CLSTN2: variants seen among roughly 807,000 people sequenced by gnomAD.
CLSTN2 encodes calsyntenin 2, also known as calsyntenin-2.
A neutral mutation model predicts 101.2 loss-of-function variants in CLSTN2; 48 were observed. That is an observed-to-expected ratio of 0.47 (90% CI 0.38 to 0.60). The LOEUF (loss-of-function observed/expected upper bound fraction) is 0.60. Among genes scored for constraint, CLSTN2 ranks in the 20% least tolerant of loss-of-function variants. CLSTN2 has a pLI of 0.00. For missense variants in CLSTN2, 1,160 were observed against 1,238.2 expected (o/e 0.94, Z 0.95); for synonymous variants, 481 against 463.6 (o/e 1.04, Z -0.48).
chr3:140,061,831 T>C (rs1328526605), intron 1 of CLSTN2, among the ~76,000 whole-genome samples: 1 of 152,230 alleles, frequency 6.6e-6, no homozygotes, highest in Non-Finnish European at 1.5e-5. Context: ...GGAATTCTTT[T>C]TACTTCCACA....
At chr3:140,482,634 T>A (rs1013338366) in intron 8 of CLSTN2, among the ~76,000 whole-genome samples, 1 of 152,232 alleles carries the variant, frequency 6.6e-6, no homozygotes, top group African/African-American at 2.4e-5. Context: ...GTTATTGGTC[T>A]ATTCAGAGAT....
chr3:140,337,284 C>T (rs1387642443), intron 2 of CLSTN2, among the ~76,000 whole-genome samples: 1 of 152,224 alleles, frequency 6.6e-6, no homozygotes, highest in Non-Finnish European at 1.5e-5. Flanking sequence ...TTAGTTCCTT[C>T]TGAGGGCTGT....
intron 8 of CLSTN2, among the ~76,000 whole-genome samples, chr3:140,481,601 C>G (rs1294536427): frequency 6.6e-6 from 1 of 152,224 alleles, no homozygotes; most frequent in Non-Finnish European, 1.5e-5. Flanking sequence ...TCTTCCATTT[C>G]TTTGTATCCT....
chr3:140,567,823 T>G lies in CLSTN2; in HGVS notation c.*1570T>G, dbSNP rs753945442. 1.1e-4 allele frequency: 16 copies of G among 152,250 alleles called. No individual in the cohort carries two copies. The highest frequency in any genetic ancestry group is 1.6e-4 in the Non-Finnish European group (11 of 68,064). 9.4% of individuals were successfully genotyped at this position (152,250 alleles called of 1,614,324 possible). A position where few individuals can be genotyped will look rare whatever the true frequency, so the allele number is the denominator to read the frequency against. On this transcript the variant is annotated 3_prime_UTR_variant, in exon 17 of 17. Coordinates refer to ENST00000458420, the MANE Select transcript of CLSTN2 (RefSeq NM_022131.3). Reference sequence around the variant, plus strand: ...TAGTTCAGAATCTCAGCCTTTTCTTTGTGTCATCAAAACAGCTTAAGAAGG... The same window carrying G: ...TAGTTCAGAATCTCAGCCTTTTCTTGGTGTCATCAAAACAGCTTAAGAAGG...
At chr3:140,174,973 G>A (rs145841565) in intron 1 of CLSTN2, among the ~76,000 whole-genome samples, 2,050 of 152,288 alleles carry the variant, frequency 0.013, 18 homozygotes, top group Middle Eastern at 0.02. Flanking sequence ...TCCGTTCCAG[G>A]ATTCTCTCCT....
chr3:140,011,784 A>C (rs2007079143), intron 1 of CLSTN2, among the ~76,000 whole-genome samples: 1 of 151,772 alleles, frequency 6.6e-6, no homozygotes, highest in South Asian at 2.1e-4. Context: ...AGGATGGGTA[A>C]GTGTCTGGCA....
intron 1 of CLSTN2, among the ~76,000 whole-genome samples, chr3:139,983,328 C>G (rs1279291119): frequency 6.6e-6 from 1 of 152,140 alleles, no homozygotes; most frequent in Non-Finnish European, 1.5e-5. Context: ...TTAGTATAAT[C>G]TAACCACATT....
chr3:140,561,899 C>G (rs530634013), intron 12 of CLSTN2, among the ~76,000 whole-genome samples: 1 of 152,304 alleles, frequency 6.6e-6, no homozygotes, highest in East Asian at 1.9e-4. Context: ...TCAAATCACA[C>G]CTTTTGGCTA....
intron 2 of CLSTN2, among the ~76,000 whole-genome samples, chr3:140,384,798 C>T (rs1021699833): frequency 6.6e-6 from 1 of 152,178 alleles, no homozygotes; most frequent in Non-Finnish European, 1.5e-5. Flanking sequence ...TATGGATTTT[C>T]CTGACACTTT....
chr3:140,422,684 A>G (rs1403245251), intron 5 of CLSTN2, among the ~76,000 whole-genome samples: 2 of 152,218 alleles, frequency 1.3e-5, no homozygotes, highest in Non-Finnish European at 1.5e-5. Flanking sequence ...AGGAAGAGAC[A>G]TAGAAAGAAG....
chr3:140,199,652 A>AC (rs2010693342), intron 2 of CLSTN2, among the ~76,000 whole-genome samples: 1 of 152,004 alleles, frequency 6.6e-6, no homozygotes, highest in African/African-American at 2.4e-5. Flanking sequence ...ATCTCTTTCT[A>AC]CCCCAGATTT....
intron 2 of CLSTN2, among the ~76,000 whole-genome samples, chr3:140,372,929 C>A (rs981787391): frequency 6.6e-6 from 1 of 152,138 alleles, no homozygotes; most frequent in Non-Finnish European, 1.5e-5. Context: ...ATTAGCCAGG[C>A]ATAATGGCAT....
intron 2 of CLSTN2, among the ~76,000 whole-genome samples, chr3:140,187,408 C>T (rs557348035): frequency 5.3e-5 from 8 of 152,298 alleles, no homozygotes; most frequent in South Asian, 2.1e-4. Flanking sequence ...CTCCCTTAAT[C>T]GCCCCTCTCC....
intron 2 of CLSTN2, among the ~76,000 whole-genome samples, chr3:140,364,022 T>C (rs2087758362): frequency 6.6e-6 from 1 of 152,346 alleles, no homozygotes; most frequent in East Asian, 1.9e-4. Context: ...ACACTCCCTG[T>C]GCGTTTAATC....
chr3:140,002,413 C>T (rs2006861518), intron 1 of CLSTN2, among the ~76,000 whole-genome samples: 1 of 152,040 alleles, frequency 6.6e-6, no homozygotes, highest in African/African-American at 2.4e-5. Flanking sequence ...GATTATTAGA[C>T]TTTTACCTAT....
intron 1 of CLSTN2, among the ~76,000 whole-genome samples, chr3:139,986,586 TCTC>T (rs1936024541): frequency 6.6e-6 from 1 of 152,164 alleles, no homozygotes; most frequent in South Asian, 2.1e-4. Flanking sequence ...TGGTTTCCGT[TCTC>T]CTTCCACCCA....
intron 2 of CLSTN2, among the ~76,000 whole-genome samples, chr3:140,381,852 A>G (rs958420701): frequency 1.3e-5 from 2 of 152,198 alleles, no homozygotes; most frequent in Non-Finnish European, 2.9e-5. Flanking sequence ...CTTTGCCATG[A>G]AGTCTGCCAA....
chr3:140,094,178 C>A (rs187932903), intron 1 of CLSTN2, among the ~76,000 whole-genome samples: 55 of 152,326 alleles, frequency 3.6e-4, no homozygotes, highest in African/African-American at 1.1e-3. Flanking sequence ...ATCCTACACA[C>A]ATTTGACAGT....
intron 2 of CLSTN2, among the ~76,000 whole-genome samples, chr3:140,252,769 G>A (rs1010032291): frequency 3.3e-5 from 5 of 152,192 alleles, no homozygotes; most frequent in African/African-American, 7.2e-5. Context: ...GCTGTGTGGC[G>A]CATGATGCAT....
Sources: allele counts gnomAD v4.1 joint callset (sites outside exome capture counted in the v4.1 genomes callset), GRCh38; gene constraint gnomAD v4.1.1; transcripts MANE v1.5; gene names NCBI Gene and HGNC (gene_info 2026-07-23, HGNC 2026-07-21).